EXOC6: variants seen among roughly 807,000 people sequenced by gnomAD.
EXOC6 encodes SEC15-like 1.
EXOC6 carries 60 observed loss-of-function variants against 112.5 expected under a neutral mutation model. The ratio of observed to expected loss-of-function variants is 0.53; its 90% CI spans 0.43 to 0.66. The LOEUF is 0.66. EXOC6 is among the 30% of genes least tolerant of loss of function. The pLI, the probability that EXOC6 is intolerant of heterozygous loss-of-function variation, is 0.00. For synonymous variants in EXOC6, 295 were observed against 308.0 expected (o/e 0.96, Z 0.44); for missense variants, 855 against 957.1 (o/e 0.89, Z 1.41).
chr10:92,834,423 A>G (rs1441594006), upstream of EXOC6, among the ~76,000 whole-genome samples: 1 of 152,230 alleles, frequency 6.6e-6, no homozygotes, highest in Non-Finnish European at 1.5e-5. Flanking sequence ...ATTCCTACAT[A>G]TAGTTATTGT....
intron 20 of EXOC6, among the ~76,000 whole-genome samples, chr10:93,035,629 CGG>C (rs1845481829): frequency 6.6e-6 from 1 of 152,072 alleles, no homozygotes; most frequent in Non-Finnish European, 1.5e-5. Context: ...TTGAGGTGAG[CGG>C]ATCACTTGAG....
intron 20 of EXOC6, among the ~76,000 whole-genome samples, chr10:93,019,241 A>G (rs1844673181): frequency 6.6e-6 from 1 of 152,138 alleles, no homozygotes. Flanking sequence ...CGGCCTCCCA[A>G]AGTGCTGGGA....
chr10:92,998,614 TTGTC>T (rs1843600884), intron 19 of EXOC6, among the ~76,000 whole-genome samples: 1 of 129,628 alleles, frequency 7.7e-6, no homozygotes, highest in Admixed American at 8.8e-5. Context: ...ACAAGATCAA[TTGTC>T]TGTTGCACAC....
intron 20 of EXOC6, among the ~76,000 whole-genome samples, chr10:93,027,455 T>G (rs1452001155): frequency 6.6e-6 from 1 of 151,832 alleles, no homozygotes; most frequent in Admixed American, 6.5e-5. Context: ...GAAAAAGGTA[T>G]CAACTATGAC....
intron 1 of EXOC6, among the ~76,000 whole-genome samples, chr10:92,861,156 T>G (rs1847892355): frequency 6.6e-6 from 1 of 152,256 alleles, no homozygotes; most frequent in South Asian, 2.1e-4. Flanking sequence ...CTCCACACTC[T>G]GTTCTACATA....
Position 93,056,860 on chromosome 10 carries a change from T to A in EXOC6, c.2170-64T>A, listed in dbSNP as rs1253829412. 6 of 868,604 alleles carry A rather than the reference T, an allele frequency of 6.9e-6. No homozygotes were observed. In the East Asian group the frequency reaches 1.6e-4, roughly 22 times the overall value. The allele number at this position is 868,604 out of a possible 1,614,324, so 53.8% of individuals were successfully genotyped here. ...ATTAAAATGGACCAAGGATAGCATA[T>A]AATTTAAGTATTAACTGGGTAAATA... On this transcript the variant is annotated intron_variant, in intron 20 of 21. Transcript: ENST00000260762.
intron 17 of EXOC6, among the ~76,000 whole-genome samples, chr10:92,961,324 A>C (rs887922141): frequency 6.6e-6 from 1 of 152,300 alleles, no homozygotes; most frequent in East Asian, 1.9e-4. Flanking sequence ...AAGGCAATGT[A>C]TATGACATTT....
exon 1 of EXOC6, among the ~76,000 whole-genome samples, chr10:92,826,883 G>T (rs1257786287): frequency 6.6e-6 from 1 of 152,178 alleles, no homozygotes; most frequent in Non-Finnish European, 1.5e-5. Context: ...CTGAGGTGGA[G>T]CATGCCTGGT....
chr10:92,940,213 A>G (rs1332851675), intron 12 of EXOC6, among the ~76,000 whole-genome samples: 1 of 152,130 alleles, frequency 6.6e-6, no homozygotes, highest in Non-Finnish European at 1.5e-5. Flanking sequence ...TGGTCCCGAT[A>G]TGGGTAAGAT....
At position 92,940,715 on chromosome 10, in the gene EXOC6, T is replaced by TC. The variant is rs749931695; in HGVS notation, c.1213-12_1213-11insC. On this transcript the variant is annotated splice_polypyrimidine_tract_variant and intron_variant, in intron 12 of 21. Transcript: ENST00000260762. ...ACTTGTTTATCTGCTTTTTTTTTTT[T>TC]TTGTATTTTAGGGTTATGGTTTTCC... The TC allele has an allele frequency of 6.5e-7, 1 of 1,538,452 alleles. No homozygotes were observed.
At chr10:93,041,446 C>T in intron 20 of EXOC6, among the ~76,000 whole-genome samples, 1 of 152,124 alleles carries the variant, frequency 6.6e-6, no homozygotes, top group East Asian at 1.9e-4. Context: ...GGCTGGAATG[C>T]AGTGGCATGA....
At chr10:92,952,167 G>C in intron 14 of EXOC6, 106 bp from the exon 15 acceptor site, 1 of 652,458 alleles carries the variant, frequency 1.5e-6, no homozygotes, top group Non-Finnish European at 2.7e-6. Flanking sequence ...TTTTGATGCA[G>C]GTATTTGCTA....
upstream of EXOC6, among the ~76,000 whole-genome samples, chr10:92,846,944 C>CA (rs1847073694): frequency 6.6e-6 from 1 of 152,086 alleles, no homozygotes; most frequent in South Asian, 2.1e-4. Flanking sequence ...AAGATGTGAC[C>CA]ACAGAAGAAT....
chr10:93,000,040 A>G (rs1843684562), intron 19 of EXOC6, among the ~76,000 whole-genome samples: 1 of 152,190 alleles, frequency 6.6e-6, no homozygotes, highest in African/African-American at 2.4e-5. Flanking sequence ...TATCATAGGT[A>G]TATATGTATG....
chr10:93,051,980 A>T (rs961262653), intron 20 of EXOC6, among the ~76,000 whole-genome samples: 4 of 152,182 alleles, frequency 2.6e-5, no homozygotes, highest in Non-Finnish European at 5.9e-5. Context: ...GTTGACCCTG[A>T]GCCCCCAGGT....
chr10:92,950,676 A>T (rs1853355974), intron 14 of EXOC6, among the ~76,000 whole-genome samples: 1 of 152,230 alleles, frequency 6.6e-6, no homozygotes, highest in African/African-American at 2.4e-5. Context: ...TGTAAATTGG[A>T]GAAGTAGAAA....
At chr10:93,051,705 A>G (rs1846297470) in intron 20 of EXOC6, among the ~76,000 whole-genome samples, 2 of 152,188 alleles carry the variant, frequency 1.3e-5, no homozygotes, top group Non-Finnish European at 2.9e-5. Context: ...AATGTAGCTA[A>G]TTTAGTAAGA....
At chr10:92,937,281 T>G (rs1359138385) in intron 12 of EXOC6, among the ~76,000 whole-genome samples, 1 of 152,146 alleles carries the variant, frequency 6.6e-6, no homozygotes, top group Non-Finnish European at 1.5e-5. Flanking sequence ...GTAAAACATA[T>G]TTCTCCACTG....
At chr10:92,967,917 A>G (rs1384062868) in intron 17 of EXOC6, among the ~76,000 whole-genome samples, 1 of 152,184 alleles carries the variant, frequency 6.6e-6, no homozygotes, top group Non-Finnish European at 1.5e-5. Context: ...AGATTCAGTA[A>G]ATGTAGTGAG....
Sources: gnomAD v4.1 joint callset for allele counts (sites outside exome capture counted in the v4.1 genomes callset) on GRCh38, gnomAD v4.1.1 for gene constraint, MANE v1.5 for transcripts, NCBI Gene and HGNC (gene_info 2026-07-23, HGNC 2026-07-21) for gene names.